PYGB: variants seen among roughly 807,000 people sequenced by gnomAD.
PYGB encodes glycogen phosphorylase, brain form.
PYGB carries 82 observed loss-of-function variants against 94.3 expected under a neutral mutation model. The ratio of observed to expected loss-of-function variants is 0.87; its 90% CI spans 0.73 to 1.04. The LOEUF (loss-of-function observed/expected upper bound fraction) is 1.04. Ranked by LOEUF, PYGB falls within the 50% of genes least tolerant of loss-of-function variation. The pLI is 0.00. For missense variants in PYGB, 1,132 were observed against 1,158.2 expected (o/e 0.98, Z 0.33); for synonymous variants, 488 against 479.1 (o/e 1.02, Z -0.24).
intron 1 of PYGB, among the ~76,000 whole-genome samples, chr20:25,252,159 A>G (rs1186397181): frequency 6.6e-6 from 1 of 152,184 alleles, no homozygotes; most frequent in Non-Finnish European, 1.5e-5. Flanking sequence ...CCAGTAGCTG[A>G]TGGTGGGTGC....
At chr20:25,280,881 C>A in intron 10 of PYGB, 68 bp from the exon 11 acceptor site, 2 of 1,554,390 alleles carry the variant, frequency 1.3e-6, no homozygotes, top group South Asian at 2.4e-5. Flanking sequence ...GTCCCCTGGT[C>A]ATGGGGAGTG....
Position 25,274,681 on chromosome 20 carries a change from C to T in PYGB, c.618C>T (p.Arg206=), listed in dbSNP as rs376105610. ...EYMLPVHFYG[R]VEHTPDGVKW... ...TGCTTCCCGTGCACTTCTACGGACG[C>T]GTGGAGCACACCCCCGACGGCGTGA... Residue 206 remains arginine, a synonymous_variant, in exon 5 of 20, where the codon CGC becomes CGT. Coordinates refer to ENST00000216962, the MANE Select transcript of PYGB (RefSeq NM_002862.4). The T allele has an allele frequency of 4.3e-5, 69 of 1,613,648 alleles. No homozygotes were observed. The highest frequency in any genetic ancestry group is 6.7e-5 in the Admixed American group (4 of 59,996).
At chr20:25,255,563 G>T (rs1166603842) in intron 1 of PYGB, among the ~76,000 whole-genome samples, 1 of 152,204 alleles carries the variant, frequency 6.6e-6, no homozygotes, top group Non-Finnish European at 1.5e-5. Flanking sequence ...GTCACTCTGT[G>T]CCCATGTAGG....
intron 1 of PYGB, chr20:25,251,019 A>G (rs1429207678): frequency 6.6e-6 from 1 of 152,224 alleles, no homozygotes; most frequent in East Asian, 1.9e-4. Flanking sequence ...ATTGTTTCAT[A>G]ACTCTTAGCA....
intron 1 of PYGB, among the ~76,000 whole-genome samples, chr20:25,256,503 AAAAAAC>A (rs777092324): frequency 1.4e-3 from 198 of 145,628 alleles, no homozygotes; most frequent in Non-Finnish European, 2.0e-3. Flanking sequence ...CTCAAAAAAA[AAAAAAC>A]AAAAACAAAA....
chr20:25,253,302 C>A (rs2092893469), intron 1 of PYGB, among the ~76,000 whole-genome samples: 1 of 152,182 alleles, frequency 6.6e-6, no homozygotes, highest in African/African-American at 2.4e-5. Context: ...TCTACACATA[C>A]CTTACTGTTC....
intron 7 of PYGB, among the ~76,000 whole-genome samples, chr20:25,277,538 C>T (rs996750739): frequency 6.6e-6 from 1 of 152,190 alleles, no homozygotes; most frequent in Non-Finnish European, 1.5e-5. Flanking sequence ...TCGTGTGCCT[C>T]TTGGCAGCTC....
chr20:25,251,217 G>A (rs1410549023), intron 1 of PYGB: 1 of 152,254 alleles, frequency 6.6e-6, no homozygotes, highest in African/African-American at 2.4e-5. Flanking sequence ...TGGCAAGGTG[G>A]CAAGGAGAGT....
intron 1 of PYGB, among the ~76,000 whole-genome samples, chr20:25,252,529 AC>A: frequency 6.6e-6 from 1 of 152,132 alleles, no homozygotes; most frequent in East Asian, 1.9e-4. Flanking sequence ...CTCCCTTCTG[AC>A]CTCTGACCGA....
chr20:25,272,557 A>G (rs1157292990), intron 4 of PYGB, among the ~76,000 whole-genome samples: 1 of 152,292 alleles, frequency 6.6e-6, no homozygotes, highest in African/African-American at 2.4e-5. Flanking sequence ...CAGACCATTT[A>G]CAGCACCTAG....
rs556964683 is a variant in PYGB at position 25,297,379 on chromosome 20, A to C, written c.*857A>C. The C allele has an allele frequency of 1.3e-5, 2 of 152,532 alleles. No individual in the cohort carries two copies. The highest frequency in any genetic ancestry group is 4.8e-5 in the African/African-American group (2 of 41,578). 9.4% of individuals were successfully genotyped at this position (152,532 alleles called of 1,614,324 possible). A position where few individuals can be genotyped will look rare whatever the true frequency, so the allele number is the denominator to read the frequency against. On this transcript the variant is annotated 3_prime_UTR_variant, in exon 20 of 20. Transcript: ENST00000216962. ...TACTTGGTCACTTTTGTGCTTGAGG[A>C]GGCCCATTTTCTGCCTGGCAGGGGG... is the stretch of plus-strand genomic sequence containing the variant.
At chr20:25,290,666 G>C (rs202079939) in intron 16 of PYGB, 44 bp downstream of exon 16, 1 of 1,584,198 alleles carries the variant, frequency 6.3e-7, no homozygotes, top group Non-Finnish European at 8.7e-7. Flanking sequence ...CACTCCTGCC[G>C]GGGAACGGGC....
chr20:25,261,634 G>A (rs1484103961), intron 2 of PYGB, among the ~76,000 whole-genome samples: 1 of 152,262 alleles, frequency 6.6e-6, no homozygotes, highest in African/African-American at 2.4e-5. Context: ...GACGGAGGAT[G>A]ACTTTGATGA....
chr20:25,295,332 C>T (rs763504401), intron 18 of PYGB, among the ~76,000 whole-genome samples: 4 of 152,246 alleles, frequency 2.6e-5, no homozygotes, highest in African/African-American at 9.6e-5. Context: ...GTGGAAGACA[C>T]GTTTTAAATG....
At chr20:25,264,125 T>C (rs1185451620) in intron 2 of PYGB, among the ~76,000 whole-genome samples, 2 of 152,216 alleles carry the variant, frequency 1.3e-5, no homozygotes. Flanking sequence ...TGGTTCAACA[T>C]ATGCAAATCA....
At chr20:25,294,748 T>C (rs2088513432) in intron 18 of PYGB, 1 of 637,234 alleles carries the variant, frequency 1.6e-6, no homozygotes, top group African/African-American at 1.8e-5. Context: ...CGATGTGACA[T>C]TATAATGTAG....
chr20:25,296,643 C>T lies in PYGB; in HGVS notation c.*121C>T. 1 of 1,310,696 alleles carries T rather than the reference C, an allele frequency of 7.6e-7. No individual in the cohort carries two copies. The highest frequency in any genetic ancestry group is 1.0e-6 in the Non-Finnish European group (1 of 969,612). 81.2% of individuals were successfully genotyped at this position (1,310,696 alleles called of 1,614,324 possible). ...CCTGCTTTTCTGAGTACCATGTTTCCAGGAGGGGCCATGGGGGTCAGGGTG... is the reference window on the plus strand; with the variant it reads ...CCTGCTTTTCTGAGTACCATGTTTCTAGGAGGGGCCATGGGGGTCAGGGTG... On this transcript the variant is annotated 3_prime_UTR_variant, in exon 20 of 20. Coordinates refer to ENST00000216962, the MANE Select transcript of PYGB (RefSeq NM_002862.4).
At chr20:25,290,656 C>T in intron 16 of PYGB, 34 bp downstream of exon 16, 1 of 1,585,374 alleles carries the variant, frequency 6.3e-7, no homozygotes, top group South Asian at 1.1e-5. Context: ...ACAGAAAACT[C>T]ACTCCTGCCG....
chr20:25,287,523 C>T (rs2088428331), intron 14 of PYGB, among the ~76,000 whole-genome samples: 2 of 152,112 alleles, frequency 1.3e-5, no homozygotes, highest in Non-Finnish European at 2.9e-5. Context: ...CCTGTCGGTG[C>T]CTGTAGTCGC....
Sources: allele counts gnomAD v4.1 joint callset (sites outside exome capture counted in the v4.1 genomes callset), GRCh38; gene constraint gnomAD v4.1.1; transcripts MANE v1.5; gene names NCBI Gene and HGNC (gene_info 2026-07-23, HGNC 2026-07-21).